NALF1: variants seen among roughly 807,000 people sequenced by gnomAD.
The protein encoded by NALF1 is family with sequence similarity 155 member A.
A neutral mutation model predicts 48.4 loss-of-function variants in NALF1; 3 were observed. That is an observed-to-expected ratio of 0.06 (90% CI 0.03 to 0.16). NALF1 has a LOEUF of 0.16. NALF1 is among the 10% of genes least tolerant of loss of function. The pLI is 1.00. For missense variants in NALF1, 526 were observed against 571.5 expected, an observed-to-expected ratio of 0.92 and a Z score of 0.81; for synonymous variants, 262 against 245.7, an observed-to-expected ratio of 1.07 and a Z score of -0.62.
intron 1 of NALF1, among the ~76,000 whole-genome samples, chr13:107,811,040 T>A (rs1878974163): frequency 6.6e-6 from 1 of 152,162 alleles, no homozygotes; most frequent in Admixed American, 6.6e-5. Context: ...AATTATATCC[T>A]GTGATGTACT....
chr13:107,650,755 G>T (rs1197585639), intron 1 of NALF1, among the ~76,000 whole-genome samples: 1 of 152,080 alleles, frequency 6.6e-6, no homozygotes, highest in Non-Finnish European at 1.5e-5. Context: ...TAAAGAAAGA[G>T]ATCATGTCTT....
At chr13:107,259,800 C>A (rs1880895284) in intron 1 of NALF1, among the ~76,000 whole-genome samples, 1 of 152,176 alleles carries the variant, frequency 6.6e-6, no homozygotes, top group Non-Finnish European at 1.5e-5. Context: ...GCAGACAGTA[C>A]AGCAGCTACT....
rs546699919 is a variant in NALF1, at chr13:107,204,864, A to C, written c.1087+5720T>G. Among the ~76,000 whole-genome samples the C allele has an allele frequency of 4.0e-3, 615 of 152,162 alleles. 2 individuals are homozygous for C. Among genetic ancestry groups the C allele is most frequent in the African/African-American group, 0.013 (554 of 41,522 alleles). ...TTATTCTGTTTTCAGAGAAAAAAAA[A>C]CCTGATTTTAAAAAATTAAATGAAC... On this transcript the variant is annotated intron_variant, in intron 2 of 2. Coordinates refer to ENST00000375915, the MANE Select transcript of NALF1 (RefSeq NM_001080396.3).
intron 1 of NALF1, among the ~76,000 whole-genome samples, chr13:107,471,986 T>G (rs1191372230): frequency 6.6e-6 from 1 of 152,210 alleles, no homozygotes; most frequent in Non-Finnish European, 1.5e-5. Context: ...CCAACAGTAC[T>G]TTTTCTGTGA....
At chr13:107,514,034 T>C (rs572640253) in intron 1 of NALF1, among the ~76,000 whole-genome samples, 58 of 152,302 alleles carry the variant, frequency 3.8e-4, no homozygotes, top group African/African-American at 1.4e-3. Flanking sequence ...ATTGTCTCTC[T>C]TCCCACAAGC....
chr13:107,852,877 A>G (rs569026794), intron 1 of NALF1, among the ~76,000 whole-genome samples: 2 of 152,348 alleles, frequency 1.3e-5, no homozygotes, highest in East Asian at 3.9e-4. Context: ...GAAAAGTATT[A>G]TAATCGGTCA....
chr13:107,662,039 T>C (rs1446775026), intron 1 of NALF1, among the ~76,000 whole-genome samples: 2 of 152,204 alleles, frequency 1.3e-5, no homozygotes, highest in Admixed American at 6.5e-5. Flanking sequence ...CTTCCTAGAT[T>C]AAAAGAAGTC....
chr13:107,504,250 C>CAAAAAAAAA (rs769667553), intron 1 of NALF1, among the ~76,000 whole-genome samples: 1 of 71,708 alleles, frequency 1.4e-5, no homozygotes. Flanking sequence ...GGCCCTATCT[C>CAAAAAAAAA]AAAAAAAAAA....
intron 1 of NALF1, among the ~76,000 whole-genome samples, chr13:107,245,813 C>A (rs904592001): frequency 6.6e-6 from 1 of 152,092 alleles, no homozygotes; most frequent in African/African-American, 2.4e-5. Context: ...AGATTTGTCA[C>A]TTCACTGTAG....
At chr13:107,498,190 T>G (rs1467786622) in intron 1 of NALF1, among the ~76,000 whole-genome samples, 1 of 152,194 alleles carries the variant, frequency 6.6e-6, no homozygotes, top group Non-Finnish European at 1.5e-5. Context: ...TGGTGATGAA[T>G]GTATCTCATA....
chr13:107,195,430 T>C (rs1050377140), intron 2 of NALF1, among the ~76,000 whole-genome samples: 3 of 152,238 alleles, frequency 2.0e-5, no homozygotes, highest in Admixed American at 1.3e-4. Context: ...TGGATTTCAT[T>C]CTTCCTTTGC....
Position 107,702,740 on chromosome 13 carries a change from C to G in NALF1, c.915+162942G>C, listed in dbSNP as rs1257534446. On this transcript the variant is annotated intron_variant, in intron 1 of 2. Transcript: ENST00000375915. Reference sequence around the variant, plus strand: ...AGGCCCCAGTGTGCGTTTTTCCCCCCATGTGTCCCTGTGTTCTCATCATTC... The same window carrying G: ...AGGCCCCAGTGTGCGTTTTTCCCCCGATGTGTCCCTGTGTTCTCATCATTC... 2.0e-5 allele frequency among the ~76,000 whole-genome samples: 3 copies of G among 152,096 alleles called. No individual in the cohort carries two copies. In the East Asian group the frequency reaches 5.8e-4, roughly 29 times the overall value.
chr13:107,759,124 G>A (rs932076619), intron 1 of NALF1, among the ~76,000 whole-genome samples: 1 of 152,140 alleles, frequency 6.6e-6, no homozygotes, highest in Non-Finnish European at 1.5e-5. Flanking sequence ...CAAACAGCAG[G>A]GTCAGGAGAA....
Position 107,779,893 on chromosome 13 carries a change from T to A in NALF1, c.915+85789A>T, listed in dbSNP as rs561106613. On this transcript the variant is annotated intron_variant, in intron 1 of 2. Coordinates refer to ENST00000375915, the MANE Select transcript of NALF1 (RefSeq NM_001080396.3). ...CTTGGAACCCTGAACTTGGACAGTC[T>A]CTGCTGTAAATGTTAAAGTACGCTT... Among the ~76,000 whole-genome samples, 7 of 152,314 alleles carry A rather than the reference T, an allele frequency of 4.6e-5. No homozygotes were observed. The South Asian group carries it at 1.4e-3, about 32-fold the overall frequency.
intron 1 of NALF1, among the ~76,000 whole-genome samples, chr13:107,426,371 T>C (rs1350014253): frequency 6.6e-6 from 1 of 152,178 alleles, no homozygotes; most frequent in Non-Finnish European, 1.5e-5. Flanking sequence ...ACAGGCGTTG[T>C]TGAACAAATG....
At chr13:107,676,342 T>C (rs528450275) in intron 1 of NALF1, among the ~76,000 whole-genome samples, 1 of 152,354 alleles carries the variant, frequency 6.6e-6, no homozygotes, top group East Asian at 1.9e-4. Flanking sequence ...GTGTGAAGAT[T>C]TGATCTTTGG....
Position 107,623,339 on chromosome 13 carries a change from T to C in NALF1, c.915+242343A>G, listed in dbSNP as rs1234999815. ...ACCAATTTTCCTGACATGAATTTTC[T>C]TCATGGAAATATTGTTTTTCTTGCA... is the stretch of plus-strand genomic sequence containing the variant. On this transcript the variant is annotated intron_variant, in intron 1 of 2. Coordinates refer to ENST00000375915, the MANE Select transcript of NALF1 (RefSeq NM_001080396.3). Among the ~76,000 whole-genome samples, 48 of 152,174 alleles carry C rather than the reference T, an allele frequency of 3.2e-4. 1 individual carries two copies. Among genetic ancestry groups the C allele is most frequent in the Admixed American group, 3.0e-3 (46 of 15,274 alleles).
intron 1 of NALF1, among the ~76,000 whole-genome samples, chr13:107,429,975 C>T (rs1027144190): frequency 1.3e-5 from 2 of 152,162 alleles, no homozygotes; most frequent in Non-Finnish European, 2.9e-5. Context: ...AAACACATAA[C>T]CTATGAGACT....
intron 1 of NALF1, among the ~76,000 whole-genome samples, chr13:107,467,844 T>C (rs925646933): frequency 3.9e-5 from 6 of 152,042 alleles, no homozygotes; most frequent in Non-Finnish European, 5.9e-5. Context: ...ACGGAGACCA[T>C]TCTGGCTAAC....
Sources: allele counts gnomAD v4.1 joint callset (sites outside exome capture counted in the v4.1 genomes callset), GRCh38; gene constraint gnomAD v4.1.1; transcripts MANE v1.5; gene names NCBI Gene and HGNC (gene_info 2026-07-23, HGNC 2026-07-21).